The following VPS26A variants were observed in gnomAD, a reference collection of about 807,000 sequenced individuals.
VPS26A encodes VPS26 retromer complex component A, also known as vacuolar protein sorting-associated protein 26A.
In VPS26A, 22 loss-of-function variants were observed where a neutral mutation model predicts 42.4. The ratio of observed to expected loss-of-function variants is 0.52; its 90% CI spans 0.37 to 0.74. VPS26A has a LOEUF of 0.74. Among genes scored for constraint, VPS26A ranks in the 30% least tolerant of loss-of-function variants. The probability of loss-of-function intolerance (pLI) is 0.00; values close to 1 mark genes in which losing one functional copy is unlikely to be tolerated. For synonymous variants in VPS26A, 110 were observed against 123.5 expected (o/e 0.89, Z 0.73); for missense variants, 276 against 379.2 (o/e 0.73, Z 2.26).
chr10:69,162,337 T>C, intron 5 of VPS26A, 69 bp from the exon 6 acceptor site: 2 of 802,036 alleles, frequency 2.5e-6, no homozygotes, highest in Non-Finnish European at 4.0e-6. Context: ...CAAAGTCTTT[T>C]AGGACATAGT....
chr10:69,152,827 G>A (rs1349597357), intron 2 of VPS26A, among the ~76,000 whole-genome samples: 1 of 151,812 alleles, frequency 6.6e-6, no homozygotes, highest in East Asian at 1.9e-4. Flanking sequence ...AAAATTAGCC[G>A]GGCATGGTGG....
At chr10:69,171,083 TGAA>T (rs1449452381) in intron 8 of VPS26A, 70 bp from the exon 9 acceptor site, 3 of 1,186,850 alleles carry the variant, frequency 2.5e-6, no homozygotes, top group South Asian at 2.8e-5. Flanking sequence ...TGGTTAAAAT[TGAA>T]GTGGCAATCA....
rs745881334 is a variant in VPS26A at position 69,137,862 on chromosome 10, G to GATATATATATATATATATATATATAT, written c.153+4835_153+4836insATATATATATATATATATATATATAT. Among the ~76,000 whole-genome samples, 43 of 144,818 alleles carry GATATATATATATATATATATATATAT rather than the reference G, an allele frequency of 3.0e-4. 1 individual carries two copies. Among genetic ancestry groups the GATATATATATATATATATATATATAT allele is most frequent in the African/African-American group, 1.2e-3 (43 of 36,794 alleles). Reference sequence around the variant, plus strand: ...TTTTTCTTTTTTTAAGCTGTATTGAGATATATATATATATATATATTCGCC... The same window carrying GATATATATATATATATATATATATAT: ...TTTTTCTTTTTTTAAGCTGTATTGAGATATATATATATATATATATATATATATATATATATATATATATATTCGCC... On this transcript the variant is annotated intron_variant, in intron 2 of 8. Coordinates refer to ENST00000263559, the MANE Select transcript of VPS26A (RefSeq NM_004896.5).
chr10:69,161,817 G>A (rs1018301016), intron 5 of VPS26A: 1 of 276,020 alleles, frequency 3.6e-6, no homozygotes, highest in Non-Finnish European at 7.4e-6. Flanking sequence ...CACATGCTAG[G>A]CCATCATGGA....
At chr10:69,127,398 G>A (rs768066461) in intron 1 of VPS26A, among the ~76,000 whole-genome samples, 63 of 151,482 alleles carry the variant, frequency 4.2e-4, no homozygotes, top group East Asian at 6.0e-4. Context: ...CTAAAAATAC[G>A]AAAAATTAGC....
intron 5 of VPS26A, among the ~76,000 whole-genome samples, chr10:69,159,362 CAG>C (rs975085474): frequency 6.9e-6 from 1 of 145,666 alleles, no homozygotes; most frequent in Non-Finnish European, 1.5e-5. Flanking sequence ...GCCTGGGTGA[CAG>C]AGGGAGACTC....
Position 69,171,161 on chromosome 10 carries a change from A to G in VPS26A, c.876A>G (p.Ile292Met). ...ATCTTGCATTTGTTTACTAGGAGAT[A>G]ATTTTATGGAGAAAAGCTCCTGAAA... ...EDRRYFKQQEIILWRKAPEKL... is the reference protein window; with the variant it reads ...EDRRYFKQQEMILWRKAPEKL... The change falls in exon 9 of 9, where the codon ATA (isoleucine) becomes ATG (methionine). Residue 292 changes from isoleucine to methionine, a missense_variant. Physicochemically the swap from Ile to Met is conservative, Grantham distance 10 (BLOSUM62 1). Coordinates refer to ENST00000263559, the MANE Select transcript of VPS26A (RefSeq NM_004896.5). 1.2e-6 allele frequency: 2 copies of G among 1,609,156 alleles called. No homozygotes were observed. The highest frequency in any genetic ancestry group is 1.7e-6 in the Non-Finnish European group (2 of 1,178,768).
intron 2 of VPS26A, among the ~76,000 whole-genome samples, chr10:69,133,376 A>G (rs1268251432): frequency 6.6e-6 from 1 of 152,060 alleles, no homozygotes. Context: ...GTTTCTTCAG[A>G]TCGGAGCTGT....
At chr10:69,149,732 TTG>T (rs748515609) in intron 2 of VPS26A, among the ~76,000 whole-genome samples, 8,380 of 29,204 alleles carry the variant, frequency 0.29, 722 homozygotes, top group Non-Finnish European at 0.45. Flanking sequence ...TTGGTGTTTT[TTG>T]TTTTTTTTTT....
chr10:69,147,026 C>T (rs1030299636), intron 2 of VPS26A, among the ~76,000 whole-genome samples: 5 of 152,198 alleles, frequency 3.3e-5, no homozygotes, highest in Non-Finnish European at 5.9e-5. Flanking sequence ...TGCACCCTTT[C>T]AGATTGCCTC....
intron 2 of VPS26A, among the ~76,000 whole-genome samples, chr10:69,144,526 TATAGA>T (rs1218788870): frequency 6.6e-6 from 1 of 152,246 alleles, no homozygotes; most frequent in Non-Finnish European, 1.5e-5. Context: ...GTTGGAATCA[TATAGA>T]ATGTAGCCTT....
intron 7 of VPS26A, among the ~76,000 whole-genome samples, chr10:69,167,742 CAAAAAAAAAAAAA>C (rs35974356): frequency 3.0e-5 from 2 of 66,326 alleles, no homozygotes; most frequent in East Asian, 4.2e-4. Context: ...GACTCCATCT[CAAAAAAAAAAAAA>C]AAAAAAAAAA....
intron 2 of VPS26A, among the ~76,000 whole-genome samples, chr10:69,135,612 T>G (rs1272955042): frequency 6.6e-6 from 1 of 152,128 alleles, no homozygotes; most frequent in Non-Finnish European, 1.5e-5. Flanking sequence ...AAAATTACAT[T>G]TTGGCATTGC....
chr10:69,131,197 C>G (rs1199522620), intron 1 of VPS26A, among the ~76,000 whole-genome samples: 1 of 152,140 alleles, frequency 6.6e-6, no homozygotes. Context: ...CCAGGCTTGT[C>G]CCGAACTGCT....
intron 2 of VPS26A, among the ~76,000 whole-genome samples, chr10:69,140,247 T>C (rs1001277704): frequency 6.6e-6 from 1 of 152,034 alleles, no homozygotes; most frequent in African/African-American, 2.4e-5. Context: ...AAAAAATATA[T>C]ATTTTTTGTA....
intron 6 of VPS26A, 134 bp downstream of exon 6, chr10:69,162,646 GTTAT>G: frequency 6.2e-6 from 3 of 484,600 alleles, no homozygotes. Context: ...CTGGCAGTAA[GTTAT>G]TTAATGTTTT....
chr10:69,133,566 T>C, intron 2 of VPS26A: 1 of 1,289,588 alleles, frequency 7.8e-7, no homozygotes, highest in Non-Finnish European at 1.0e-6. Context: ...TTTTGGGATG[T>C]GTCTATGCAT....
rs970398584 is a variant in VPS26A at position 69,124,213 on chromosome 10, C to G, written c.-65C>G. 6.3e-6 allele frequency: 8 copies of G among 1,270,670 alleles called. No homozygotes were observed. Among genetic ancestry groups the G allele is most frequent in the Admixed American group, 3.9e-5 (1 of 25,730 alleles). 78.7% of individuals were successfully genotyped at this position (1,270,670 alleles called of 1,614,324 possible). A position where few individuals can be genotyped will look rare whatever the true frequency, so the allele number is the denominator to read the frequency against. ...GACGGAGCGCCGGAGCGGAGGGAGC[C>G]GGGGCTGGGAGTTCTCCTGAGGGAA... On this transcript the variant is annotated 5_prime_UTR_variant, in exon 1 of 9. Coordinates refer to ENST00000263559, the MANE Select transcript of VPS26A (RefSeq NM_004896.5).
chr10:69,159,709 T>G (rs1343777169), intron 5 of VPS26A, among the ~76,000 whole-genome samples: 1 of 152,222 alleles, frequency 6.6e-6, no homozygotes, highest in African/African-American at 2.4e-5. Context: ...TACAATACTC[T>G]TATATCTAAA....
Sources: gnomAD v4.1 joint callset for allele counts (sites outside exome capture counted in the v4.1 genomes callset) on GRCh38, gnomAD v4.1.1 for gene constraint, MANE v1.5 for transcripts, NCBI Gene and HGNC (gene_info 2026-07-23, HGNC 2026-07-21) for gene names.